Variants in PIK3C2G observed in about 807,000 individuals in gnomAD.
PIK3C2G encodes the protein phosphatidylinositol 3-kinase C2 domain-containing subunit gamma.
In PIK3C2G, 168 loss-of-function variants were observed where a neutral mutation model predicts 181.1. The ratio of observed to expected loss-of-function variants is 0.93; its 90% confidence interval spans 0.82 to 1.05. The LOEUF (loss-of-function observed/expected upper bound fraction) is 1.05, where lower values mean the gene tolerates loss of function less well. PIK3C2G is among the 50% of genes least tolerant of loss of function. The pLI is 0.00. For missense variants in PIK3C2G, 1,869 were observed against 1,732.8 expected (o/e 1.08, Z -1.40); for synonymous variants, 573 against 592.2 (o/e 0.97, Z 0.47).
intron 5 of PIK3C2G, among the ~76,000 whole-genome samples, chr12:18,300,696 T>C (rs1377854799): frequency 6.6e-6 from 1 of 152,098 alleles, no homozygotes; most frequent in African/African-American, 2.4e-5. Context: ...GTTCCTTTCT[T>C]TCTCTCTCAT....
chr12:18,309,349 A>C (rs1000688912), intron 5 of PIK3C2G, among the ~76,000 whole-genome samples: 4 of 151,822 alleles, frequency 2.6e-5, no homozygotes, highest in Non-Finnish European at 5.9e-5. Flanking sequence ...CATTTTTCTC[A>C]TGAGAAAAGT....
chr12:18,298,297 A>G (rs1242459267), intron 5 of PIK3C2G, among the ~76,000 whole-genome samples: 4 of 151,338 alleles, frequency 2.6e-5, no homozygotes, highest in Non-Finnish European at 5.9e-5. Flanking sequence ...AACATTTTTT[A>G]TATACTTCTT....
At chr12:18,446,234 C>T (rs372051145) in intron 18 of PIK3C2G, among the ~76,000 whole-genome samples, 3 of 152,018 alleles carry the variant, frequency 2.0e-5, no homozygotes, top group East Asian at 3.9e-4. Context: ...TTCTGTTTGC[C>T]TCTTAAGACC....
chr12:18,649,176 C>T (rs915668288), downstream of PIK3C2G, among the ~76,000 whole-genome samples: 1 of 150,484 alleles, frequency 6.6e-6, no homozygotes, highest in Non-Finnish European at 1.5e-5. Context: ...GCAACTCCTC[C>T]CCTAATCCTC....
At chr12:18,331,817 T>C (rs920521725) in intron 8 of PIK3C2G, among the ~76,000 whole-genome samples, 8 of 152,258 alleles carry the variant, frequency 5.3e-5, no homozygotes, top group African/African-American at 1.9e-4. Context: ...AAGTTAGTTA[T>C]ATTTTACTGG....
chr12:18,530,292 A>T (rs1034382717), intron 24 of PIK3C2G, among the ~76,000 whole-genome samples: 8 of 152,178 alleles, frequency 5.3e-5, no homozygotes, highest in Non-Finnish European at 1.2e-4. Context: ...CAGTCCTTCC[A>T]TCTGTGCTTT....
At chr12:18,251,161 A>T (rs1003363555) in intron 1 of PIK3C2G, among the ~76,000 whole-genome samples, 1 of 151,990 alleles carries the variant, frequency 6.6e-6, no homozygotes, top group African/African-American at 2.4e-5. Context: ...TCTGTTTTCT[A>T]TGCAAAGACA....
At chr12:18,386,960 C>A (rs1943210193) in intron 14 of PIK3C2G, among the ~76,000 whole-genome samples, 2 of 152,210 alleles carry the variant, frequency 1.3e-5, no homozygotes, top group South Asian at 4.1e-4. Flanking sequence ...ACAAATATAG[C>A]CACATACTTG....
chr12:18,562,469 G>A (rs917386887), intron 26 of PIK3C2G, among the ~76,000 whole-genome samples: 6 of 152,278 alleles, frequency 3.9e-5, no homozygotes, highest in African/African-American at 4.8e-5. Flanking sequence ...ACACAATATA[G>A]CAACTACAGT....
chr12:18,381,874 C>T lies in PIK3C2G; in HGVS notation c.1989C>T (p.Thr663=), dbSNP rs747778121. The change falls in exon 14 of 33, where the codon ACC becomes ACT. Residue 663 remains threonine (T), a synonymous_variant. Transcript: ENST00000538779. The part of the protein sequence containing the change: ...VWDVSQPSPV[T]LQIDFPATGW... ...ATGTAAGTCAGCCATCCCCGGTGAC[C>T]CTGCAGGTAAGTGCCAGGCTAAAAG... is the stretch of plus-strand genomic sequence containing the variant. 18 of 1,595,378 alleles carry T rather than the reference C, an allele frequency of 1.1e-5. No individual in the cohort carries two copies. The Admixed American group carries it at 2.0e-4, about 18-fold the overall frequency.
At chr12:18,384,600 AAGG>A (rs1198724012) in intron 14 of PIK3C2G, among the ~76,000 whole-genome samples, 5 of 152,344 alleles carry the variant, frequency 3.3e-5, no homozygotes, top group South Asian at 2.1e-4. Context: ...GTGGTAGAAG[AAGG>A]AGAAGAAGGT....
chr12:18,270,647 T>C (rs894246724), intron 1 of PIK3C2G, among the ~76,000 whole-genome samples: 3 of 152,138 alleles, frequency 2.0e-5, no homozygotes, highest in Admixed American at 2.0e-4. Context: ...CTAGACAACT[T>C]AAAATAACAG....
At chr12:18,373,320 G>C (rs1309349620) in intron 13 of PIK3C2G, among the ~76,000 whole-genome samples, 3 of 152,096 alleles carry the variant, frequency 2.0e-5, no homozygotes, top group Non-Finnish European at 4.4e-5. Flanking sequence ...ATTGCCCATA[G>C]CTAGCCACGT....
intron 29 of PIK3C2G, among the ~76,000 whole-genome samples, chr12:18,567,657 G>C (rs1021417667): frequency 6.6e-6 from 1 of 151,780 alleles, no homozygotes; most frequent in Non-Finnish European, 1.5e-5. Context: ...CATCTGAGCC[G>C]AGCCTTTAAC....
intron 1 of PIK3C2G, among the ~76,000 whole-genome samples, chr12:18,268,432 G>C (rs1490220705): frequency 6.6e-6 from 1 of 151,902 alleles, no homozygotes. Flanking sequence ...TATCATTAAG[G>C]ATATTATTTC....
chr12:18,581,262 A>G (rs1946486956), intron 29 of PIK3C2G, among the ~76,000 whole-genome samples: 1 of 152,230 alleles, frequency 6.6e-6, no homozygotes, highest in African/African-American at 2.4e-5. Flanking sequence ...TGTTAAATTT[A>G]AAAGCACATT....
intron 24 of PIK3C2G, among the ~76,000 whole-genome samples, chr12:18,521,604 C>T (rs566055705): frequency 6.6e-6 from 1 of 152,306 alleles, no homozygotes; most frequent in South Asian, 2.1e-4. Context: ...TCCTTGGCTC[C>T]AGCCAGGAGG....
At chr12:18,663,227 C>A in the PIK3C2G span, among the ~76,000 whole-genome samples, 1 of 151,918 alleles carries the variant, frequency 6.6e-6, no homozygotes, top group East Asian at 1.9e-4. Flanking sequence ...CTATCCAGAG[C>A]AGTTAGGCAA....
At chr12:18,637,955 G>A (rs1426442669) in intron 31 of PIK3C2G, among the ~76,000 whole-genome samples, 3 of 152,144 alleles carry the variant, frequency 2.0e-5, no homozygotes, top group Non-Finnish European at 4.4e-5. Context: ...AAGAATCTCT[G>A]CTTAGTGAGC....
Sources: gnomAD v4.1 joint callset for allele counts (sites outside exome capture counted in the v4.1 genomes callset) on GRCh38, gnomAD v4.1.1 for gene constraint, MANE v1.5 for transcripts, NCBI Gene and HGNC (gene_info 2026-07-23, HGNC 2026-07-21) for gene names.